The following PIK3CB variants were observed in gnomAD, a reference collection of about 807,000 sequenced individuals.
PIK3CB encodes phosphatidylinositol-4,5-bisphosphate 3-kinase catalytic subunit beta.
Under a neutral mutation model 136.8 loss-of-function variants are expected in PIK3CB, and 39 were observed. The ratio of observed to expected loss-of-function variants is 0.29; its 90% CI spans 0.22 to 0.37. The LOEUF (loss-of-function observed/expected upper bound fraction) is 0.37. Ranked by LOEUF, PIK3CB falls within the 10% of genes least tolerant of loss-of-function variation. The probability of loss-of-function intolerance (pLI) is 1.00; values close to 1 mark genes in which losing one functional copy is unlikely to be tolerated. For synonymous variants in PIK3CB, 428 were observed against 436.6 expected (o/e 0.98, Z 0.25); for missense variants, 868 against 1,275.4 (o/e 0.68, Z 4.87).
chr3:138,822,256 G>A lies in PIK3CB; in HGVS notation c.-122+12439C>T, dbSNP rs1466060540. 2.6e-5 allele frequency among the ~76,000 whole-genome samples: 4 copies of A among 152,022 alleles called. No individual in the cohort carries two copies. In the East Asian group the frequency reaches 7.7e-4, roughly 29 times the overall value. ...ACTTTTGAAAATATATAACTAGGCC[G>A]GGTATGGTGGCTCACGCCTATAATC... is the stretch of plus-strand genomic sequence containing the variant. On this transcript the variant is annotated intron_variant, in intron 1 of 23. Coordinates refer to ENST00000674063, the MANE Select transcript of PIK3CB (RefSeq NM_006219.3).
chr3:138,674,910 G>A (rs1447058361), intron 19 of PIK3CB, among the ~76,000 whole-genome samples: 1 of 152,042 alleles, frequency 6.6e-6, no homozygotes, highest in Non-Finnish European at 1.5e-5. Context: ...ACAAAAATTA[G>A]CCAGGAGTTG....
At chr3:138,738,253 CCT>C (rs776380341) in intron 5 of PIK3CB, among the ~76,000 whole-genome samples, 1 of 152,040 alleles carries the variant, frequency 6.6e-6, no homozygotes, top group Non-Finnish European at 1.5e-5. Context: ...CTCACTGCAA[CCT>C]CTGTCTCCCA....
chr3:138,761,571 G>A (rs1390286195), intron 2 of PIK3CB, among the ~76,000 whole-genome samples: 1 of 151,904 alleles, frequency 6.6e-6, no homozygotes, highest in Admixed American at 6.6e-5. Context: ...GGAGTTCGAG[G>A]CCAGCCTGGC....
chr3:138,672,015 C>T (rs1028572078), intron 19 of PIK3CB, among the ~76,000 whole-genome samples: 28 of 151,896 alleles, frequency 1.8e-4, no homozygotes, highest in Admixed American at 1.4e-3. Flanking sequence ...GTACTGATAA[C>T]GCTTGGTACT....
chr3:138,784,628 G>A (rs535165397), intron 2 of PIK3CB, among the ~76,000 whole-genome samples: 4 of 152,110 alleles, frequency 2.6e-5, no homozygotes, highest in Admixed American at 6.5e-5. Context: ...ACGGGGTTTC[G>A]CCCTGTTGGC....
At chr3:138,727,261 C>CGATG (rs1308659495) in intron 8 of PIK3CB, among the ~76,000 whole-genome samples, 1 of 152,136 alleles carries the variant, frequency 6.6e-6, no homozygotes, top group African/African-American at 2.4e-5. Flanking sequence ...ACTGCAAATA[C>CGATG]GATGGATTAG....
At chr3:138,823,315 GATC>G (rs1174332282) in intron 1 of PIK3CB, among the ~76,000 whole-genome samples, 11 of 151,446 alleles carry the variant, frequency 7.3e-5, no homozygotes, top group African/African-American at 2.7e-4. Flanking sequence ...AATTTTAAGT[GATC>G]ATATTTCAAC....
rs371584355 is a variant in PIK3CB, at chr3:138,655,106, C to T, written c.*283G>A. 233 of 368,352 alleles carry T rather than the reference C, an allele frequency of 6.3e-4. 1 individual carries two copies. Among genetic ancestry groups the T allele is most frequent in the South Asian group, 2.1e-3 (39 of 18,984 alleles). 22.8% of individuals were successfully genotyped at this position (368,352 alleles called of 1,614,324 possible). On this transcript the variant is annotated 3_prime_UTR_variant, in exon 24 of 24. Coordinates refer to ENST00000674063, the MANE Select transcript of PIK3CB (RefSeq NM_006219.3). ...AAATATTAGAAAAAACAAACAAAAA[C>T]GGAAACAATCCCTAGTAGCATTCCT...
intron 8 of PIK3CB, among the ~76,000 whole-genome samples, chr3:138,729,173 C>T (rs1486006664): frequency 6.6e-6 from 1 of 151,742 alleles, no homozygotes; most frequent in Non-Finnish European, 1.5e-5. Flanking sequence ...TCCAGCTACA[C>T]CGGACACTGA....
chr3:138,730,596 G>C (rs1301474914), intron 8 of PIK3CB, among the ~76,000 whole-genome samples: 1 of 151,970 alleles, frequency 6.6e-6, no homozygotes, highest in East Asian at 1.9e-4. Flanking sequence ...ATGACTTGTG[G>C]GTAGATTTGA....
At position 138,684,615 on chromosome 3, in the gene PIK3CB, A is replaced by G. The variant is rs760721863; in HGVS notation, c.2315+10T>C. 5 of 1,584,344 alleles carry G rather than the reference A, an allele frequency of 3.2e-6. No homozygotes were observed. The highest frequency in any genetic ancestry group is 4.3e-6 in the Non-Finnish European group (5 of 1,165,432). The stretch of plus-strand genomic sequence containing the variant: ...ATAGGAGATTCACTGCGCAAAGCAC[A>G]GTCACTTACTAGAGTTCTGAGAGGA... On this transcript the variant is annotated intron_variant, in intron 17 of 23. Coordinates refer to ENST00000674063, the MANE Select transcript of PIK3CB (RefSeq NM_006219.3).
intron 15 of PIK3CB, among the ~76,000 whole-genome samples, chr3:138,689,614 T>A (rs2043966458): frequency 6.6e-6 from 1 of 152,336 alleles, no homozygotes; most frequent in Non-Finnish European, 1.5e-5. Context: ...ATTAGTGACA[T>A]GGGTCAACTT....
intron 10 of PIK3CB, among the ~76,000 whole-genome samples, chr3:138,711,664 C>T (rs1037431630): frequency 4.0e-5 from 6 of 150,038 alleles, no homozygotes; most frequent in Admixed American, 4.0e-4. Flanking sequence ...AAAGACAAAG[C>T]TACCCATCAC....
chr3:138,828,808 G>A (rs1392851410), intron 1 of PIK3CB, among the ~76,000 whole-genome samples: 1 of 151,798 alleles, frequency 6.6e-6, no homozygotes, highest in East Asian at 1.9e-4. Context: ...TTTTTTCTGA[G>A]ACGGAGTTTC....
At chr3:138,735,894 C>T (rs2045092580) in intron 6 of PIK3CB, among the ~76,000 whole-genome samples, 1 of 152,022 alleles carries the variant, frequency 6.6e-6, no homozygotes, top group Non-Finnish European at 1.5e-5. Flanking sequence ...TAAATATATT[C>T]ATCCAAAAAC....
intron 4 of PIK3CB, among the ~76,000 whole-genome samples, chr3:138,752,875 A>G (rs1397777907): frequency 6.6e-6 from 1 of 152,232 alleles, no homozygotes; most frequent in Non-Finnish European, 1.5e-5. Flanking sequence ...TAAGCACAGC[A>G]TATGTAATAT....
intron 2 of PIK3CB, among the ~76,000 whole-genome samples, chr3:138,767,979 A>G (rs1462136412): frequency 6.6e-6 from 1 of 152,214 alleles, no homozygotes; most frequent in Non-Finnish European, 1.5e-5. Flanking sequence ...CAGTTCTTTT[A>G]GCCTCAATTG....
Position 138,688,267 on chromosome 3 carries a change from C to T in PIK3CB, c.2136+608G>A, listed in dbSNP as rs1446321489. Reference sequence around the variant, plus strand: ...ATGTAATCCCAGCACTTTGGGAGGCCGAGGCGGGCGGATCACGAGGTCAGG... The same window carrying T: ...ATGTAATCCCAGCACTTTGGGAGGCTGAGGCGGGCGGATCACGAGGTCAGG... On this transcript the variant is annotated intron_variant, in intron 16 of 23. Transcript: ENST00000674063. 2.6e-4 allele frequency among the ~76,000 whole-genome samples: 39 copies of T among 151,528 alleles called. 1 individual carries two copies. Among genetic ancestry groups the T allele is most frequent in the Admixed American group, 2.4e-3 (37 of 15,216 alleles).
intron 1 of PIK3CB, among the ~76,000 whole-genome samples, chr3:138,810,868 C>A (rs990318889): frequency 6.6e-6 from 1 of 150,624 alleles, no homozygotes; most frequent in Non-Finnish European, 1.5e-5. Context: ...TGCAGTGAGC[C>A]GAGATCGTGC....
Sources: gnomAD v4.1 joint callset for allele counts (sites outside exome capture counted in the v4.1 genomes callset) on GRCh38, gnomAD v4.1.1 for gene constraint, MANE v1.5 for transcripts, NCBI Gene and HGNC (gene_info 2026-07-23, HGNC 2026-07-21) for gene names.